The following MMP14 variants were observed in gnomAD, a reference collection of about 807,000 sequenced individuals.
MMP14 encodes the protein matrix metallopeptidase 14.
Under a neutral mutation model 64.8 loss-of-function variants are expected in MMP14, and 13 were observed. The observed-to-expected ratio is 0.20, with a 90% CI of 0.13 to 0.32. MMP14 has a LOEUF of 0.32. Among genes scored for constraint, MMP14 ranks in the 10% least tolerant of loss-of-function variants. The pLI, the probability that MMP14 is intolerant of heterozygous loss-of-function variation, is 1.00. For synonymous variants in MMP14, 322 were observed against 315.9 expected (o/e 1.02, Z -0.20); for missense variants, 594 against 783.8 (o/e 0.76, Z 2.89).
At position 22,843,131 on chromosome 14, in the gene MMP14, T is replaced by G; in HGVS notation, c.689-126T>G. On this transcript the variant is annotated intron_variant, in intron 4 of 9. Coordinates refer to ENST00000311852, the MANE Select transcript of MMP14 (RefSeq NM_004995.4). This position sits in a 1 kb window ranked among gnomAD's most constrained non-coding sequence, Gnocchi z 4.8. ...CCAGATAAAAAGCTAGACCTCAGAA[T>G]TTGGCCACTTTGGATTGAAAACATG... 1.8e-6 allele frequency: 2 copies of G among 1,089,352 alleles called. No individual in the cohort carries two copies. The highest frequency in any genetic ancestry group is 1.6e-5 in the African/African-American group (1 of 63,192). 67.5% of individuals were successfully genotyped at this position (1,089,352 alleles called of 1,614,324 possible).
chr14:22,837,425 A>C (rs17879414), intron 1 of MMP14: 7,086 of 455,322 alleles, frequency 0.016, 140 homozygotes, highest in African/African-American at 0.042. Flanking sequence ...TCAGCGGACG[A>C]GTCTGCGGCC....
At chr14:22,845,201 C>G in intron 8 of MMP14, 50 bp from the exon 9 acceptor site, 1 of 1,420,240 alleles carries the variant, frequency 7.0e-7, no homozygotes, top group Non-Finnish European at 9.9e-7. Context: ...CTTGCGCCTC[C>G]TGAGGACATG....
intron 1 of MMP14, among the ~76,000 whole-genome samples, chr14:22,841,101 C>T (rs1329874298): frequency 6.6e-6 from 1 of 152,276 alleles, no homozygotes; most frequent in African/African-American, 2.4e-5. Context: ...CCTCCCCACA[C>T]ATCATGGGCA....
chr14:22,843,432 A>G lies in MMP14; in HGVS notation c.850+14A>G, dbSNP rs1313524922. 1.2e-6 allele frequency: 2 copies of G among 1,606,960 alleles called. No homozygotes were observed. Among genetic ancestry groups the G allele is most frequent in the South Asian group, 1.1e-5 (1 of 90,404 alleles). ...AGCAACTTTATGGCGAGTAGTCTAC[A>G]CCCACGCCTGCTCCCTCCTCTGCTG... On this transcript the variant is annotated intron_variant, in intron 5 of 9. Transcript: ENST00000311852. The surrounding 1 kb of genome is among the most constrained non-coding windows in gnomAD (Gnocchi z 4.8).
At chr14:22,839,961 A>C (rs201009620) in intron 1 of MMP14, among the ~76,000 whole-genome samples, 5 of 123,696 alleles carry the variant, frequency 4.0e-5, no homozygotes, top group African/African-American at 6.7e-5. Flanking sequence ...GGCTTGTTTT[A>C]CTTTTTTTTT....
chr14:22,842,062 C>T lies in MMP14; in HGVS notation c.380+27C>T. 6.2e-7 allele frequency: 1 copy of T among 1,613,962 alleles called. No individual in the cohort carries two copies. The highest frequency in any genetic ancestry group is 8.5e-7 in the Non-Finnish European group (1 of 1,179,854). ...TGAGTCCAACAGGCAAGCAACCTTT[C>T]TCACATCTGGTTATTATTTCCTACC... is the stretch of plus-strand genomic sequence containing the variant. On this transcript the variant is annotated intron_variant, in intron 3 of 9. Transcript: ENST00000311852. This position sits in a 1 kb window ranked among gnomAD's most constrained non-coding sequence, Gnocchi z 5.3.
Position 22,841,475 on chromosome 14 carries a change from A to G in MMP14, c.109-16A>G, listed in dbSNP as rs2039772212. ...GCCAGGTGGGGACACTCTAAGCCAT[A>G]CCCCTTTCCCTACAGGCCTGGCTAC... On this transcript the variant is annotated splice_polypyrimidine_tract_variant and intron_variant, in intron 1 of 9. Transcript: ENST00000311852. 6.2e-7 allele frequency: 1 copy of G among 1,611,730 alleles called. No homozygotes were observed. The highest frequency in any genetic ancestry group is 8.5e-7 in the Non-Finnish European group (1 of 1,179,650).
chr14:22,836,974 A>C, intron 1 of MMP14, 49 bp downstream of exon 1: 1 of 1,443,546 alleles, frequency 6.9e-7, no homozygotes, highest in Non-Finnish European at 9.6e-7. Flanking sequence ...CCGGGAGGCG[A>C]GCCCGGGGGT....
Position 22,836,670 on chromosome 14 carries a change from C to T in MMP14, c.-148C>T, listed in dbSNP as rs2039732510. On this transcript the variant is annotated 5_prime_UTR_variant, in exon 1 of 10. Coordinates refer to ENST00000311852, the MANE Select transcript of MMP14 (RefSeq NM_004995.4). ...AAACAGGCACTTTGAGGAACAATCC[C>T]CTTTAACTCCAAGCCGACAGCGGTC... 3.7e-6 allele frequency: 2 copies of T among 546,750 alleles called. No homozygotes were observed. Among genetic ancestry groups the T allele is most frequent in the Non-Finnish European group, 6.5e-6 (2 of 309,758 alleles). 33.9% of individuals were successfully genotyped at this position (546,750 alleles called of 1,614,324 possible).
chr14:22,843,764 G>A lies in MMP14; in HGVS notation c.905G>A (p.Arg302Gln), dbSNP rs144706082. Residue 302 changes from arginine to glutamine, a missense_variant, in exon 6 of 10, where the codon CGG becomes CAG. Around this residue, in one of 4 missense-constraint regions of MMP14, gnomAD observed 364 missense variants for 425.2 expected, o/e 0.86. Transcript: ENST00000311852. This position sits in a 1 kb window ranked among gnomAD's most constrained non-coding sequence, Gnocchi z 4.8. ...CCCCCTCAACCCAGGACTACCTCCC[G>A]GCCTTCTGTTCCTGATAAACCCAAA... ...KMPPQPRTTS[R>Q]PSVPDKPKNP... 24 of 1,612,236 alleles carry A rather than the reference G, an allele frequency of 1.5e-5. No individual in the cohort carries two copies. Among genetic ancestry groups the A allele is most frequent in the Admixed American group, 3.4e-5 (2 of 59,456 alleles).
At position 22,843,550 on chromosome 14, in the gene MMP14, C is replaced by CTCTTTTG; in HGVS notation, c.850+132_850+133insTCTTTTG. 2 of 1,389,178 alleles carry CTCTTTTG rather than the reference C, an allele frequency of 1.4e-6. No homozygotes were observed. The highest frequency in any genetic ancestry group is 2.0e-6 in the Non-Finnish European group (2 of 1,017,946). The allele number at this position is 1,389,178 out of a possible 1,614,324, so 86.1% of individuals were successfully genotyped here. ...AACCTGCCCCTGCCTCTATCAGCTC[C>CTCTTTTG]ACTTTTGAGCCCATCTTTTGTGTCG... On this transcript the variant is annotated intron_variant, in intron 5 of 9. Transcript: ENST00000311852. The surrounding 1 kb of genome is among the most constrained non-coding windows in gnomAD (Gnocchi z 4.8).
In MMP14 at chr14:22,836,686, G is replaced by A. The variant is rs2039732647; in HGVS notation, c.-132G>A. ...GAACAATCCCCTTTAACTCCAAGCCGACAGCGGTCTAGGAATTCAAGTTCA... is the reference window on the plus strand; with the variant it reads ...GAACAATCCCCTTTAACTCCAAGCCAACAGCGGTCTAGGAATTCAAGTTCA... On this transcript the variant is annotated 5_prime_UTR_variant, in exon 1 of 10. Transcript: ENST00000311852. 1 of 554,338 alleles carries A rather than the reference G, an allele frequency of 1.8e-6. No individual in the cohort carries two copies. 34.3% of individuals were successfully genotyped at this position (554,338 alleles called of 1,614,324 possible). A position where few individuals can be genotyped will look rare whatever the true frequency, so the allele number is the denominator to read the frequency against.
chr14:22,838,215 C>T (rs955060275), intron 1 of MMP14, among the ~76,000 whole-genome samples: 7 of 152,172 alleles, frequency 4.6e-5, no homozygotes, highest in Non-Finnish European at 7.4e-5. Flanking sequence ...CGTCCTCTTC[C>T]CAGGCCTAGA....
rs370775141 is a variant in MMP14, at chr14:22,846,042, C to T, written c.*3C>T. ...GTTCCCTGCTGGACAAGGTCTGACG[C>T]CCACCGCCGGCCCGCCCACTCCTAC... On this transcript the variant is annotated 3_prime_UTR_variant, in exon 10 of 10. Coordinates refer to ENST00000311852, the MANE Select transcript of MMP14 (RefSeq NM_004995.4). The T allele has an allele frequency of 1.8e-5, 26 of 1,469,454 alleles. No individual in the cohort carries two copies. Among genetic ancestry groups the T allele is most frequent in the African/African-American group, 2.8e-5 (2 of 70,652 alleles). The allele number at this position is 1,469,454 out of a possible 1,614,324, so 91.0% of individuals were successfully genotyped here. A position where few individuals can be genotyped will look rare whatever the true frequency, so the allele number is the denominator to read the frequency against.
intron 1 of MMP14, among the ~76,000 whole-genome samples, chr14:22,840,157 G>A (rs961150752): frequency 2.0e-5 from 3 of 151,936 alleles, no homozygotes; most frequent in Non-Finnish European, 4.4e-5. Flanking sequence ...AGTAGAGACA[G>A]GGTTTCACCC....
At position 22,842,121 on chromosome 14, in the gene MMP14, G is replaced by A; in HGVS notation, c.380+86G>A. 1.3e-6 allele frequency: 2 copies of A among 1,550,206 alleles called. No individual in the cohort carries two copies. The highest frequency in any genetic ancestry group is 1.8e-6 in the Non-Finnish European group (2 of 1,132,680). On this transcript the variant is annotated intron_variant, in intron 3 of 9. Transcript: ENST00000311852. This position sits in a 1 kb window ranked among gnomAD's most constrained non-coding sequence, Gnocchi z 5.3. Reference sequence around the variant, plus strand: ...TTATGCAGGGACTCAGAGACCCCCTGCCCCACTCCCCTCAGTTCCTGGGAA... The same window carrying A: ...TTATGCAGGGACTCAGAGACCCCCTACCCCACTCCCCTCAGTTCCTGGGAA...
chr14:22,845,570 T>C, intron 9 of MMP14, 138 bp from the exon 10 acceptor site: 1 of 1,009,870 alleles, frequency 9.9e-7, no homozygotes, highest in Non-Finnish European at 1.5e-6. Flanking sequence ...CACCCCCATT[T>C]TACAGCTGAG....
chr14:22,842,658 G>C lies in MMP14; in HGVS notation c.629G>C (p.Gly210Ala). 6.2e-7 allele frequency: 1 copy of C among 1,613,910 alleles called. No individual in the cohort carries two copies. The highest frequency in any genetic ancestry group is 8.5e-7 in the Non-Finnish European group (1 of 1,179,840). ...AHAYFPGPNI[G>A]GDTHFDSAEP... Reference sequence around the variant, plus strand: ...GCCTACTTCCCAGGCCCCAACATTGGAGGAGACACCCACTTTGACTCTGCC... The same window carrying C: ...GCCTACTTCCCAGGCCCCAACATTGCAGGAGACACCCACTTTGACTCTGCC... The change falls in exon 4 of 10, where the codon GGA (glycine) becomes GCA (alanine). Residue 210 changes from glycine (G) to alanine (A), a missense_variant. By Grantham distance (60) the Gly-to-Ala change is moderately conservative. Around this residue, in one of 4 missense-constraint regions of MMP14, gnomAD observed 179 missense variants for 283.4 expected, o/e 0.63. Coordinates refer to ENST00000311852, the MANE Select transcript of MMP14 (RefSeq NM_004995.4). This position sits in a 1 kb window ranked among gnomAD's most constrained non-coding sequence, Gnocchi z 5.3.
At chr14:22,837,903 A>G (rs572045051) in intron 1 of MMP14, among the ~76,000 whole-genome samples, 14 of 151,942 alleles carry the variant, frequency 9.2e-5, no homozygotes, top group African/African-American at 3.4e-4. Flanking sequence ...TGAGCTTCTT[A>G]TTTTGGGCCA....
Sources: allele counts gnomAD v4.1 joint callset (sites outside exome capture counted in the v4.1 genomes callset), GRCh38; gene constraint gnomAD v4.1.1; regional missense constraint gnomAD v4.1.1; non-coding constraint Gnocchi (gnomAD v3.1); transcripts MANE v1.5; gene names NCBI Gene and HGNC (gene_info 2026-07-23, HGNC 2026-07-21).